CAP1: variants seen among roughly 807,000 people sequenced by gnomAD.
CAP1 encodes the protein adenylyl cyclase-associated protein 1.
Under a neutral mutation model 58.2 loss-of-function variants are expected in CAP1, and 11 were observed. That is an observed-to-expected ratio of 0.19 (90% confidence interval 0.12 to 0.31). The LOEUF (loss-of-function observed/expected upper bound fraction) is 0.31. Among genes scored for constraint, CAP1 ranks in the 10% least tolerant of loss-of-function variants. The pLI is 1.00. For synonymous variants in CAP1, 183 were observed against 213.8 expected, an observed-to-expected ratio of 0.86 and a Z score of 1.26; for missense variants, 423 against 587.5, an observed-to-expected ratio of 0.72 and a Z score of 2.89.
rs543536764 is a variant in CAP1 at position 40,057,345 on chromosome 1, A to G, written c.-10-1992A>G. On this transcript the variant is annotated intron_variant, in intron 1 of 12. Transcript: ENST00000372805. ...TATGTGAGTCTGTCTCTTGATCAGT[A>G]TGCATAATGGAACAGGGCAGGAATT... is the stretch of plus-strand genomic sequence containing the variant. 2.6e-5 allele frequency: 4 copies of G among 152,300 alleles called. No homozygotes were observed. The South Asian group carries it at 8.3e-4, about 32-fold the overall frequency. The allele number at this position is 152,300 out of a possible 1,614,324, so 9.4% of individuals were successfully genotyped here. A position where few individuals can be genotyped will look rare whatever the true frequency, so the allele number is the denominator to read the frequency against.
intron 4 of CAP1, among the ~76,000 whole-genome samples, chr1:40,064,022 A>G (rs1646967752): frequency 6.6e-6 from 1 of 152,234 alleles, no homozygotes; most frequent in African/African-American, 2.4e-5. Flanking sequence ...ATGAAGAACC[A>G]TCAGGTGCAG....
intron 4 of CAP1, 101 bp downstream of exon 4, chr1:40,061,913 C>T: frequency 1.1e-6 from 1 of 891,540 alleles, no homozygotes; most frequent in Non-Finnish European, 1.8e-6. Context: ...ACCTACTAGG[C>T]TTTTGATAAT....
chr1:40,068,666 C>A (rs1382116125), intron 8 of CAP1, among the ~76,000 whole-genome samples: 1 of 151,786 alleles, frequency 6.6e-6, no homozygotes, highest in South Asian at 2.1e-4. Flanking sequence ...ATGTAAATTA[C>A]AACCACAAGG....
intron 1 of CAP1, among the ~76,000 whole-genome samples, chr1:40,052,876 G>C (rs1465274863): frequency 2.6e-5 from 4 of 151,868 alleles, no homozygotes; most frequent in African/African-American, 9.7e-5. Flanking sequence ...GGATCACCAG[G>C]TCAGGAGATT....
chr1:40,049,018 A>G (rs890671306), intron 1 of CAP1, among the ~76,000 whole-genome samples: 7 of 152,198 alleles, frequency 4.6e-5, no homozygotes, highest in African/African-American at 1.4e-4. Flanking sequence ...AATTCATGCT[A>G]CTGTCTTAAT....
chr1:40,056,888 A>G (rs1383535008), intron 1 of CAP1, among the ~76,000 whole-genome samples: 1 of 144,354 alleles, frequency 6.9e-6, no homozygotes, highest in Non-Finnish European at 1.5e-5. Flanking sequence ...CTCAAATCTC[A>G]TCTTACTCCC....
In CAP1 at chr1:40,067,405, G is replaced by C. The variant is rs1214538490; in HGVS notation, c.631-135G>C. 3 of 685,510 alleles carry C rather than the reference G, an allele frequency of 4.4e-6. No individual in the cohort carries two copies. The East Asian group carries it at 9.2e-5, about 21-fold the overall frequency. 42.5% of individuals were successfully genotyped at this position (685,510 alleles called of 1,614,324 possible). ...GAAGGCATAAAGCCAAGTTGGGTATGGGTAGGACACATTAATCATTGCCTC... is the reference window on the plus strand; with the variant it reads ...GAAGGCATAAAGCCAAGTTGGGTATCGGTAGGACACATTAATCATTGCCTC... On this transcript the variant is annotated intron_variant, in intron 7 of 12. Transcript: ENST00000372805.
intron 4 of CAP1, among the ~76,000 whole-genome samples, chr1:40,062,222 ACTCT>A (rs61275865): frequency 0.69 from 105,016 of 151,284 alleles, 36,652 homozygotes; most frequent in Non-Finnish European, 0.74. Flanking sequence ...TGGTTGGGAG[ACTCT>A]CTCTTTAATT....
At chr1:40,067,483 G>A (rs767007003) in intron 7 of CAP1, 57 bp from the exon 8 acceptor site, 101 of 1,456,918 alleles carry the variant, frequency 6.9e-5, no homozygotes, top group Non-Finnish European at 9.2e-5. Context: ...GCACTACTGG[G>A]AATGGTACAG....
chr1:40,062,062 T>C (rs2124368173), intron 4 of CAP1, among the ~76,000 whole-genome samples: 1 of 152,318 alleles, frequency 6.6e-6, no homozygotes, highest in East Asian at 1.9e-4. Flanking sequence ...GGGACTTTGC[T>C]TGCCTGCCTC....
intron 1 of CAP1, among the ~76,000 whole-genome samples, chr1:40,053,541 C>A (rs1646476572): frequency 2.0e-5 from 3 of 152,038 alleles, no homozygotes; most frequent in South Asian, 4.1e-4. Flanking sequence ...ATCTCCGCCT[C>A]CCAGGTTCCA....
At chr1:40,056,735 C>T (rs1248794749) in intron 1 of CAP1, among the ~76,000 whole-genome samples, 2 of 151,872 alleles carry the variant, frequency 1.3e-5, no homozygotes, top group Non-Finnish European at 2.9e-5. Context: ...TAGTCAGAGG[C>T]TTTAGGAGTG....
At chr1:40,045,348 A>G (rs1246377235) in intron 1 of CAP1, among the ~76,000 whole-genome samples, 3 of 152,176 alleles carry the variant, frequency 2.0e-5, no homozygotes, top group South Asian at 4.1e-4. Context: ...TCGATGGTAC[A>G]TGATAAGCAC....
chr1:40,059,095 C>G (rs1646739744), intron 1 of CAP1, among the ~76,000 whole-genome samples: 1 of 151,678 alleles, frequency 6.6e-6, no homozygotes, highest in Non-Finnish European at 1.5e-5. Context: ...TAGTGAACAC[C>G]TTTTCCTGAG....
At chr1:40,041,422 T>C (rs1311881781) in intron 1 of CAP1, 1 of 152,168 alleles carries the variant, frequency 6.6e-6, no homozygotes, top group Non-Finnish European at 1.5e-5. Flanking sequence ...CATCCTTGTA[T>C]TTACAGGCAG....
chr1:40,070,572 G>A, intron 11 of CAP1, 60 bp downstream of exon 11: 1 of 1,317,058 alleles, frequency 7.6e-7, no homozygotes. Flanking sequence ...AAGAGACATG[G>A]TAGACCCACA....
At chr1:40,046,721 A>G (rs1182305920) in intron 1 of CAP1, among the ~76,000 whole-genome samples, 1 of 152,024 alleles carries the variant, frequency 6.6e-6, no homozygotes, top group Non-Finnish European at 1.5e-5. Flanking sequence ...ATGTTACTGT[A>G]TCTAATACTG....
chr1:40,046,751 T>G (rs563691333), intron 1 of CAP1, among the ~76,000 whole-genome samples: 2 of 151,982 alleles, frequency 1.3e-5, no homozygotes, highest in East Asian at 3.9e-4. Context: ...TGTAACACAG[T>G]GTAAGTATTT....
intron 8 of CAP1, among the ~76,000 whole-genome samples, chr1:40,068,333 C>T (rs904966406): frequency 1.2e-4 from 18 of 152,020 alleles, no homozygotes; most frequent in Admixed American, 9.8e-4. Context: ...TGCAATGGCG[C>T]GATCTCGGCT....
Sources: gnomAD v4.1 joint callset for allele counts (sites outside exome capture counted in the v4.1 genomes callset) on GRCh38, gnomAD v4.1.1 for gene constraint, MANE v1.5 for transcripts, NCBI Gene and HGNC (gene_info 2026-07-23, HGNC 2026-07-21) for gene names.